Variants in CCNH observed in about 807,000 individuals in gnomAD.
CCNH encodes the protein cyclin H.
CCNH carries 31 observed loss-of-function variants against 41.9 expected under a neutral mutation model. The observed-to-expected ratio is 0.74, with a 90% CI of 0.56 to 1.00. The LOEUF (loss-of-function observed/expected upper bound fraction) is 1.00. Ranked by LOEUF, CCNH falls within the 50% of genes least tolerant of loss-of-function variation. CCNH has a pLI of 0.00. For missense variants in CCNH, 362 were observed against 388.4 expected (o/e 0.93, Z 0.57); for synonymous variants, 138 against 136.1 (o/e 1.01, Z -0.10).
intron 9 of CCNH, among the ~76,000 whole-genome samples, chr5:87,334,453 GA>G (rs1383175942): frequency 3.9e-5 from 6 of 152,154 alleles, no homozygotes; most frequent in Non-Finnish European, 7.3e-5. Flanking sequence ...CCCTCACAGA[GA>G]AACCCAGAAA....
upstream of CCNH, among the ~76,000 whole-genome samples, chr5:87,381,046 T>A (rs1761679503): frequency 6.6e-6 from 1 of 152,226 alleles, no homozygotes; most frequent in Non-Finnish European, 1.5e-5. Flanking sequence ...CTGCTCATTG[T>A]ACCATAATTA....
intron 9 of CCNH, among the ~76,000 whole-genome samples, chr5:87,369,119 A>G (rs1166846533): frequency 6.6e-6 from 1 of 152,206 alleles, no homozygotes; most frequent in Non-Finnish European, 1.5e-5. Context: ...AGCAGGAAAC[A>G]GAAGTAACAT....
At chr5:87,409,215 C>T in intron 3 of CCNH, 75 bp downstream of exon 3, 1 of 788,902 alleles carries the variant, frequency 1.3e-6, no homozygotes, top group Non-Finnish European at 2.1e-6. Flanking sequence ...TCACAATTCT[C>T]TCCTCCCAAA....
At chr5:87,345,160 A>G (rs1758763678) in intron 9 of CCNH, among the ~76,000 whole-genome samples, 1 of 152,126 alleles carries the variant, frequency 6.6e-6, no homozygotes, top group South Asian at 2.1e-4. Flanking sequence ...TAGGAACTTT[A>G]TAAGAGCAGG....
chr5:87,379,649 C>T (rs1307205826), upstream of CCNH: 15 of 1,526,552 alleles, frequency 9.8e-6, no homozygotes, highest in African/African-American at 1.4e-5. Context: ...TAGACAACCT[C>T]GAAAACTATA....
intron 9 of CCNH, among the ~76,000 whole-genome samples, chr5:87,329,855 T>C (rs1757485932): frequency 6.6e-6 from 1 of 152,282 alleles, no homozygotes; most frequent in Admixed American, 6.5e-5. Context: ...CAAAATTTTA[T>C]TCTCTTATGT....
In CCNH at chr5:87,346,931, C is replaced by T. The variant is rs139185417; in HGVS notation, c.*91-28034G>A. Among the ~76,000 whole-genome samples, 1,796 of 152,028 alleles carry T rather than the reference C, an allele frequency of 0.012. 28 individuals are homozygous for T. Among genetic ancestry groups the T allele is most frequent in the African/African-American group, 0.041 (1,687 of 41,504 alleles). The stretch of plus-strand genomic sequence containing the variant: ...TTTAGTCAAGTGTGTTTTTCTTTTA[C>T]CCCAGGCCCCTGTCCACTTCCTCAG... On this transcript the variant is annotated intron_variant and NMD_transcript_variant, in intron 9 of 9. Transcript: ENST00000645953.
chr5:87,409,386 C>A (rs758541454), intron 2 of CCNH, 23 bp from the exon 3 acceptor site: 4 of 1,280,192 alleles, frequency 3.1e-6, no homozygotes, highest in Non-Finnish European at 4.5e-6. Context: ...AAAAATATAT[C>A]ATCAGGATCT....
At chr5:87,353,939 CT>C (rs1404908639) in intron 9 of CCNH, among the ~76,000 whole-genome samples, 1 of 152,018 alleles carries the variant, frequency 6.6e-6, no homozygotes, top group Non-Finnish European at 1.5e-5. Context: ...GAAAAAGGTG[CT>C]TCAAAAGACG....
chr5:87,396,466 C>CA (rs911474918), intron 7 of CCNH, among the ~76,000 whole-genome samples: 38 of 151,190 alleles, frequency 2.5e-4, no homozygotes, highest in Admixed American at 3.9e-4. Context: ...ACTAAAAATA[C>CA]AAAAAAAAAT....
chr5:87,390,841 AC>A, downstream of CCNH: 1 of 1,613,756 alleles, frequency 6.2e-7, no homozygotes, highest in Non-Finnish European at 8.5e-7. Flanking sequence ...AACTGCTTCA[AC>A]AAAAACAAAA....
intron 6 of CCNH, among the ~76,000 whole-genome samples, chr5:87,401,217 T>G (rs1434491783): frequency 6.6e-6 from 1 of 152,252 alleles, no homozygotes; most frequent in Non-Finnish European, 1.5e-5. Context: ...TTCCTTTGGC[T>G]TGCAGCCACA....
At chr5:87,392,203 A>G, downstream of CCNH, 1 of 452,976 alleles carries the variant, frequency 2.2e-6, no homozygotes, top group African/African-American at 2.0e-5. Flanking sequence ...GTGTTCCCAC[A>G]GTAAGGAAAG....
At chr5:87,374,594 AG>A (rs923291225), downstream of CCNH, among the ~76,000 whole-genome samples, 4 of 151,676 alleles carry the variant, frequency 2.6e-5, no homozygotes, top group Non-Finnish European at 5.9e-5. Context: ...AACATTTACT[AG>A]GGTTTCCAGT....
chr5:87,382,239 C>T (rs1761770045), intron 9 of CCNH, among the ~76,000 whole-genome samples: 2 of 152,200 alleles, frequency 1.3e-5, no homozygotes, highest in South Asian at 2.1e-4. Flanking sequence ...GCATGAGCCA[C>T]CATGCCCAGC....
chr5:87,388,761 T>C (rs771881951), downstream of CCNH, among the ~76,000 whole-genome samples: 5 of 152,204 alleles, frequency 3.3e-5, no homozygotes, highest in Non-Finnish European at 5.9e-5. Context: ...TTCCTACTTA[T>C]ATGCATTATC....
At chr5:87,374,648 AG>A (rs2112486258), downstream of CCNH, among the ~76,000 whole-genome samples, 1 of 151,952 alleles carries the variant, frequency 6.6e-6, no homozygotes, top group Admixed American at 6.6e-5. Context: ...TAAAGATGGT[AG>A]GAAAAGTGTG....
At chr5:87,361,291 A>G (rs1211560732) in intron 9 of CCNH, among the ~76,000 whole-genome samples, 1 of 152,216 alleles carries the variant, frequency 6.6e-6, no homozygotes, top group African/African-American at 2.4e-5. Flanking sequence ...CCCTGCTGTA[A>G]GCAATTCATT....
At chr5:87,383,041 G>A (rs547537861) in intron 9 of CCNH, among the ~76,000 whole-genome samples, 1 of 152,176 alleles carries the variant, frequency 6.6e-6, no homozygotes, top group African/African-American at 2.4e-5. Flanking sequence ...GCAGTGAGCT[G>A]TGATTGTGGG....
Sources: gnomAD v4.1 joint callset for allele counts (sites outside exome capture counted in the v4.1 genomes callset) on GRCh38, gnomAD v4.1.1 for gene constraint, MANE v1.5 for transcripts, NCBI Gene and HGNC (gene_info 2026-07-23, HGNC 2026-07-21) for gene names.